The following TNNT2 variants were observed in gnomAD, a reference collection of about 807,000 sequenced individuals.
TNNT2 encodes the protein troponin T, cardiac muscle.
Under a neutral mutation model 62.4 loss-of-function variants are expected in TNNT2, and 34 were observed. The ratio of observed to expected loss-of-function variants is 0.54; its 90% CI spans 0.41 to 0.72. TNNT2 has a LOEUF of 0.72. TNNT2 is among the 30% of genes least tolerant of loss of function. The pLI, the probability that TNNT2 is intolerant of heterozygous loss-of-function variation, is 0.00. For missense variants in TNNT2, 275 were observed against 381.9 expected, an observed-to-expected ratio of 0.72 and a Z score of 2.33; for synonymous variants, 123 against 127.2, an observed-to-expected ratio of 0.97 and a Z score of 0.22.
intron 11 of TNNT2, chr1:201,364,014 G>C: frequency 2.3e-6 from 1 of 441,488 alleles, no homozygotes; most frequent in Admixed American, 3.5e-5. Context: ...AGCCTCCTGA[G>C]TAGCTAGGAT....
chr1:201,361,317 A>C lies in TNNT2; in HGVS notation c.772T>G (p.Phe258Val), dbSNP rs730881110. The C allele has an allele frequency of 8.1e-6, 13 of 1,614,102 alleles. No homozygotes were observed. The highest frequency in any genetic ancestry group is 1.1e-5 in the Non-Finnish European group (13 of 1,179,990). The change falls in exon 15 of 17, where the codon TTC becomes GTC. Residue 258 changes from phenylalanine to valine, a missense_variant. By Grantham distance (50) the Phe-to-Val change is conservative. Coordinates refer to ENST00000656932, the MANE Select transcript of TNNT2 (RefSeq NM_001276345.2). ...TGCTTGAACTTCTCCTGCAGGTCGA[A>C]CTTCTCTGCCTCCAAGTTATAGATG... is the stretch of plus-strand genomic sequence containing the variant. ...QSIYNLEAEK[F>V]DLQEKFKQQK... is the part of the protein sequence containing the mutation.
intron 11 of TNNT2, 83 bp from the exon 12 acceptor site, chr1:201,363,489 T>C (rs1659086303): frequency 1.5e-6 from 2 of 1,324,348 alleles, no homozygotes; most frequent in Non-Finnish European, 2.2e-6. Context: ...GTGGTCTTTA[T>C]GGGTGAGTTC....
intron 15 of TNNT2, chr1:201,360,996 T>A: frequency 4.2e-6 from 2 of 481,182 alleles, no homozygotes; most frequent in Non-Finnish European, 7.7e-6. Context: ...CTCAGATCAC[T>A]GAGCTGCTGC....
chr1:201,360,894 T>G (rs1164758565), intron 15 of TNNT2: 1 of 359,394 alleles, frequency 2.8e-6, no homozygotes, highest in Non-Finnish European at 5.4e-6. Flanking sequence ...CACCAGGACC[T>G]TGGGTGTATG....
chr1:201,362,116 C>T (rs1658769707), intron 13 of TNNT2, 94 bp from the exon 14 acceptor site: 1 of 1,366,220 alleles, frequency 7.3e-7, no homozygotes, highest in Non-Finnish European at 1.0e-6. Flanking sequence ...GCAAGGCCTG[C>T]AGGAGGGCCA....
intron 16 of TNNT2, 43 bp downstream of exon 16, chr1:201,359,580 G>T (rs45570832): frequency 6.4e-7 from 1 of 1,572,922 alleles, no homozygotes; most frequent in Admixed American, 1.7e-5. Context: ...AGGGAAGGAG[G>T]GGGCAGGGGG....
Position 201,362,377 on chromosome 1 carries a change from G to C in TNNT2, c.609+9C>G. On this transcript the variant is annotated intron_variant, in intron 13 of 16. Coordinates refer to ENST00000656932, the MANE Select transcript of TNNT2 (RefSeq NM_001276345.2). ...GGGAGGAAGAAGGCTTGAGGTTTTT[G>C]GTACCCACCTGGGCCTGCTAAACCG... 6.2e-7 allele frequency: 1 copy of C among 1,613,816 alleles called. No homozygotes were observed.
At chr1:201,363,049 TGG>T in intron 12 of TNNT2, 1 of 931,118 alleles carries the variant, frequency 1.1e-6, no homozygotes, top group Non-Finnish European at 1.3e-6. Context: ...GAGCCAGGCA[TGG>T]GGGGCACCAT....
chr1:201,363,955 T>A, intron 11 of TNNT2: 1 of 335,738 alleles, frequency 3.0e-6, no homozygotes, highest in Non-Finnish European at 5.7e-6. Context: ...TGGCATGACC[T>A]CGGCTCACTG....
In TNNT2 at chr1:201,373,169, C is replaced by T. The variant is rs200822703; in HGVS notation, c.41+45G>A. The T allele has an allele frequency of 5.4e-5, 86 of 1,597,390 alleles. 1 individual carries two copies. The highest frequency in any genetic ancestry group is 2.2e-4 in the Admixed American group (13 of 59,990). On this transcript the variant is annotated intron_variant, in intron 2 of 16. Coordinates refer to ENST00000656932, the MANE Select transcript of TNNT2 (RefSeq NM_001276345.2). ...GCTCCTGGACCAGGTGTCAGGGCAG[C>T]GGCGGGAGAGGACCCCACTCAGGCA...
chr1:201,365,705 T>C (rs1659544281), intron 8 of TNNT2, 35 bp from the exon 9 acceptor site: 1 of 1,610,838 alleles, frequency 6.2e-7, no homozygotes, highest in Non-Finnish European at 8.5e-7. Flanking sequence ...ATCAGCCCCA[T>C]TCTGGACCCA....
At chr1:201,373,296 G>T in intron 1 of TNNT2, 28 bp from the exon 2 acceptor site, 1 of 1,607,818 alleles carries the variant, frequency 6.2e-7, no homozygotes, top group Non-Finnish European at 8.5e-7. Context: ...AGTCAGTGCA[G>T]GTACAAAGGG....
chr1:201,366,994 G>T, intron 7 of TNNT2, 123 bp from the exon 8 acceptor site: 1 of 1,527,788 alleles, frequency 6.5e-7, no homozygotes, highest in Non-Finnish European at 9.0e-7. Flanking sequence ...AGTCCCTCCC[G>T]GCACTGGGGA....
chr1:201,359,647 T>C lies in TNNT2; in HGVS notation c.827A>G (p.Asn276Ser), dbSNP rs990771026. 6.3e-7 allele frequency: 1 copy of C among 1,595,914 alleles called. No homozygotes were observed. Residue 276 changes from asparagine (N) to serine (S), a missense_variant, in exon 16 of 17, where the codon AAC (asparagine) becomes AGC (serine). Coordinates refer to ENST00000656932, the MANE Select transcript of TNNT2 (RefSeq NM_001276345.2). ...QQKYEINVLR[N>S]RINDNQKVSK... ...CACTTTCTGGTTATCGTTGATCCTG[T>C]TTCGGAGAACATTGATCTGCAAGAA...
intron 1 of TNNT2, 102 bp downstream of exon 1, chr1:201,377,521 G>A (rs780837937): frequency 8.8e-6 from 4 of 456,072 alleles, no homozygotes; most frequent in Non-Finnish European, 1.8e-5. Context: ...GACTTCTGCG[G>A]ACACAGGCAG....
At position 201,359,201 on chromosome 1, in the gene TNNT2, G is replaced by A. The variant is rs370503996; in HGVS notation, c.*9C>T. ...CGAGGAGCAGATCTTTGGTGAAGGA[G>A]GCCAGGCTCTATTTCCAGCGCCCGG... On this transcript the variant is annotated 3_prime_UTR_variant, in exon 17 of 17. Transcript: ENST00000656932. 5.6e-6 allele frequency: 9 copies of A among 1,608,576 alleles called. No individual in the cohort carries two copies. Among genetic ancestry groups the A allele is most frequent in the Non-Finnish European group, 7.6e-6 (9 of 1,178,222 alleles).
intron 7 of TNNT2, chr1:201,367,114 C>T: frequency 3.2e-6 from 2 of 629,318 alleles, no homozygotes; most frequent in Non-Finnish European, 5.6e-6. Context: ...TGTGGAACTT[C>T]ACACAAAGCC....
intron 9 of TNNT2, 140 bp downstream of exon 9, chr1:201,365,470 G>A (rs983600648): frequency 1.7e-6 from 2 of 1,207,030 alleles, no homozygotes; most frequent in Non-Finnish European, 2.5e-6. Flanking sequence ...CCACGCTCAT[G>A]GATGGGCACC....
intron 4 of TNNT2, 93 bp from the exon 5 acceptor site, chr1:201,369,938 A>G (rs758432230): frequency 1.4e-6 from 2 of 1,434,842 alleles, no homozygotes; most frequent in South Asian, 2.3e-5. Context: ...CACCCAGCGC[A>G]GTGGTTTTAA....
Sources: allele counts gnomAD v4.1 joint callset, GRCh38; gene constraint gnomAD v4.1.1; transcripts MANE v1.5; gene names NCBI Gene and HGNC (gene_info 2026-07-23, HGNC 2026-07-21).